PTCHD4: variants seen among roughly 807,000 people sequenced by gnomAD.
The protein encoded by PTCHD4 is patched domain-containing protein 4.
A neutral mutation model predicts 58.1 loss-of-function variants in PTCHD4; 33 were observed. That is an observed-to-expected ratio of 0.57 (90% confidence interval 0.43 to 0.76). PTCHD4 has a LOEUF of 0.76. Among genes scored for constraint, PTCHD4 ranks in the 30% least tolerant of loss-of-function variants. PTCHD4 has a pLI of 0.00. For missense variants in PTCHD4, 1,058 were observed against 1,027.1 expected, an observed-to-expected ratio of 1.03 and a Z score of -0.41; for synonymous variants, 478 against 409.6, an observed-to-expected ratio of 1.17 and a Z score of -2.02.
chr6:48,100,301 T>C (rs1765574816), intron 1 of PTCHD4, among the ~76,000 whole-genome samples: 1 of 152,198 alleles, frequency 6.6e-6, no homozygotes, highest in Non-Finnish European at 1.5e-5. Context: ...GAATATGGAT[T>C]GTAAAATGTC....
At chr6:48,056,103 A>G (rs1158122216) in intron 3 of PTCHD4, among the ~76,000 whole-genome samples, 1 of 152,210 alleles carries the variant, frequency 6.6e-6, no homozygotes, top group African/African-American at 2.4e-5. Flanking sequence ...ATACATTTAC[A>G]TTTACTTCAT....
rs1225601574 is a variant in PTCHD4, at chr6:47,866,514, G to A, written c.*11789C>T. Among the ~76,000 whole-genome samples, 1 of 151,778 alleles carries A rather than the reference G, an allele frequency of 6.6e-6. No individual in the cohort carries two copies. Among genetic ancestry groups the A allele is most frequent in the African/African-American group, 2.4e-5 (1 of 41,366 alleles). On this transcript the variant is annotated 3_prime_UTR_variant, in exon 5 of 5. Transcript: ENST00000339488. ...CATGGTCTCGTATGGCCACTTGGTT[G>A]TTGGATTTATCTCCATTCTACTTCT... is the stretch of plus-strand genomic sequence containing the variant.
At position 47,878,146 on chromosome 6, in the gene PTCHD4, C is replaced by G. The variant is rs1320643380; in HGVS notation, c.*157G>C. The G allele has an allele frequency of 1.7e-6, 1 of 580,046 alleles. No homozygotes were observed. 35.9% of individuals were successfully genotyped at this position (580,046 alleles called of 1,614,324 possible). A position where few individuals can be genotyped will look rare whatever the true frequency, so the allele number is the denominator to read the frequency against. On this transcript the variant is annotated 3_prime_UTR_variant, in exon 5 of 5. Coordinates refer to ENST00000339488, the MANE Select transcript of PTCHD4 (RefSeq NM_001384253.1). Reference sequence around the variant, plus strand: ...CTCTTTTTTTATTCCCTCTTCCCCCCAAGAAGCAGGCACCTTGAAGTGTCA... The same window carrying G: ...CTCTTTTTTTATTCCCTCTTCCCCCGAAGAAGCAGGCACCTTGAAGTGTCA...
intron 3 of PTCHD4, among the ~76,000 whole-genome samples, chr6:48,038,160 T>C (rs959474541): frequency 3.3e-5 from 5 of 152,002 alleles, no homozygotes; most frequent in Non-Finnish European, 5.9e-5. Context: ...TAGAAGATGA[T>C]GAAAACATTG....
Position 47,878,762 on chromosome 6 carries a change from T to G in PTCHD4, c.2073A>C (p.Ser691=), listed in dbSNP as rs1243092920. Residue 691 remains serine, a synonymous_variant, in exon 5 of 5, where the codon TCA becomes TCC. Coordinates refer to ENST00000339488, the MANE Select transcript of PTCHD4 (RefSeq NM_001384253.1). ...GNFWLILSVT[S]IELGVLGLMT... ...TTAAGCCCAGAACGCCCAGCTCAAT[T>G]GAGGTGACGCTAAGAATTAGCCAGA... The G allele has an allele frequency of 6.2e-7, 1 of 1,613,524 alleles. No homozygotes were observed. The highest frequency in any genetic ancestry group is 8.5e-7 in the Non-Finnish European group (1 of 1,179,736).
At chr6:47,950,135 G>T (rs1275068389) in intron 4 of PTCHD4, among the ~76,000 whole-genome samples, 1 of 150,338 alleles carries the variant, frequency 6.7e-6, no homozygotes, top group Non-Finnish European at 1.5e-5. Context: ...GCGGTGTTTG[G>T]TTTTTTGTCC....
chr6:47,981,318 A>C (rs575464115), intron 4 of PTCHD4, among the ~76,000 whole-genome samples: 1 of 151,546 alleles, frequency 6.6e-6, no homozygotes, highest in Non-Finnish European at 1.5e-5. Context: ...TTTATTTTGT[A>C]TTTTGTTGCT....
intron 1 of PTCHD4, among the ~76,000 whole-genome samples, chr6:48,108,085 G>C (rs1008645246): frequency 9.2e-5 from 14 of 152,134 alleles, no homozygotes; most frequent in Non-Finnish European, 1.9e-4. Context: ...ATTTGACCCA[G>C]CCATCCTATT....
At chr6:47,921,467 T>C (rs1461920769) in intron 4 of PTCHD4, among the ~76,000 whole-genome samples, 2 of 152,202 alleles carry the variant, frequency 1.3e-5, no homozygotes, top group Non-Finnish European at 2.9e-5. Flanking sequence ...TTTTCAGCTG[T>C]GCTTAAGGCC....
intron 4 of PTCHD4, among the ~76,000 whole-genome samples, chr6:47,976,016 T>G (rs932519623): frequency 6.6e-6 from 1 of 152,180 alleles, no homozygotes; most frequent in East Asian, 1.9e-4. Flanking sequence ...TTTTCGAGCA[T>G]TTATGGACTA....
In PTCHD4 at chr6:47,869,148, C is replaced by T. The variant is rs1394141602; in HGVS notation, c.*9155G>A. On this transcript the variant is annotated 3_prime_UTR_variant, in exon 5 of 5. Transcript: ENST00000339488. ...GGTTATCTATGCGTTATGTATAATG[C>T]CACCACATTATTCATCAAAATACAG... 6.6e-6 allele frequency among the ~76,000 whole-genome samples: 1 copy of T among 151,622 alleles called. No homozygotes were observed. The highest frequency in any genetic ancestry group is 2.4e-5 in the African/African-American group (1 of 41,328).
chr6:47,940,617 T>C lies in PTCHD4; in HGVS notation c.899-60681A>G, dbSNP rs956863888. On this transcript the variant is annotated intron_variant, in intron 4 of 4. Transcript: ENST00000339488. ...GTTAAAGCCTTAACTTTCACAGCCTTGTAAAAGCTTGTGAAAATAGACATT... is the reference window on the plus strand; with the variant it reads ...GTTAAAGCCTTAACTTTCACAGCCTCGTAAAAGCTTGTGAAAATAGACATT... 5.9e-5 allele frequency among the ~76,000 whole-genome samples: 9 copies of C among 152,224 alleles called. No homozygotes were observed. In the East Asian group the frequency reaches 1.3e-3, roughly 23 times the overall value.
intron 1 of PTCHD4, among the ~76,000 whole-genome samples, chr6:48,092,818 G>A (rs1336238580): frequency 6.6e-6 from 1 of 152,158 alleles, no homozygotes; most frequent in African/African-American, 2.4e-5. Flanking sequence ...AGGCCACCAA[G>A]GCAAGATCCT....
At chr6:47,908,078 G>A (rs1017974818) in intron 4 of PTCHD4, among the ~76,000 whole-genome samples, 4 of 152,064 alleles carry the variant, frequency 2.6e-5, no homozygotes, top group South Asian at 2.1e-4. Context: ...CCAAGCTATG[G>A]ATTGGCCCCT....
At chr6:47,895,759 C>T (rs1361055527) in intron 4 of PTCHD4, among the ~76,000 whole-genome samples, 1 of 152,006 alleles carries the variant, frequency 6.6e-6, no homozygotes, top group African/African-American at 2.4e-5. Flanking sequence ...CCAAAATTTG[C>T]TCCCAGTTGT....
At position 47,873,832 on chromosome 6, in the gene PTCHD4, A is replaced by G. The variant is rs1763780659; in HGVS notation, c.*4471T>C. Among the ~76,000 whole-genome samples the G allele has an allele frequency of 6.6e-6, 1 of 151,768 alleles. No homozygotes were observed. Among genetic ancestry groups the G allele is most frequent in the South Asian group, 2.1e-4 (1 of 4,838 alleles). The stretch of plus-strand genomic sequence containing the variant: ...AATTGTCACAAAATTTTGGTAATTG[A>G]GAAAAAGCTAAAACTTTTTTTGTTT... On this transcript the variant is annotated 3_prime_UTR_variant, in exon 5 of 5. Coordinates refer to ENST00000339488, the MANE Select transcript of PTCHD4 (RefSeq NM_001384253.1).
At chr6:48,021,466 TTAATC>T (rs1488838494) in intron 3 of PTCHD4, among the ~76,000 whole-genome samples, 1 of 152,152 alleles carries the variant, frequency 6.6e-6, no homozygotes, top group Non-Finnish European at 1.5e-5. Flanking sequence ...AAGGTTCTTT[TTAATC>T]TTTGCCTTTG....
chr6:48,101,646 T>A (rs1283857078), intron 1 of PTCHD4, among the ~76,000 whole-genome samples: 1 of 152,230 alleles, frequency 6.6e-6, no homozygotes, highest in Non-Finnish European at 1.5e-5. Context: ...AAATTAATAA[T>A]TCCTGTTCAT....
chr6:48,104,224 G>A (rs1460230785), intron 1 of PTCHD4, among the ~76,000 whole-genome samples: 1 of 152,164 alleles, frequency 6.6e-6, no homozygotes, highest in East Asian at 1.9e-4. Flanking sequence ...ACCCACAAAG[G>A]GAAGCCCATC....
Sources: gnomAD v4.1 joint callset for allele counts (sites outside exome capture counted in the v4.1 genomes callset) on GRCh38, gnomAD v4.1.1 for gene constraint, MANE v1.5 for transcripts, NCBI Gene and HGNC (gene_info 2026-07-23, HGNC 2026-07-21) for gene names.